The following FKBP3 variants were observed in gnomAD, a reference collection of about 807,000 sequenced individuals.
FKBP3 encodes the protein peptidyl-prolyl cis-trans isomerase FKBP3.
A neutral mutation model predicts 30.6 loss-of-function variants in FKBP3; 21 were observed. The ratio of observed to expected loss-of-function variants is 0.69; its 90% CI spans 0.49 to 0.99. FKBP3 has a LOEUF of 0.99. Among genes scored for constraint, FKBP3 ranks in the 50% least tolerant of loss-of-function variants. The pLI is 0.00. For missense variants in FKBP3, 283 were observed against 261.6 expected, an observed-to-expected ratio of 1.08 and a Z score of -0.56; for synonymous variants, 82 against 91.3, an observed-to-expected ratio of 0.90 and a Z score of 0.58.
intron 3 of FKBP3, among the ~76,000 whole-genome samples, chr14:45,125,945 G>A (rs1366867389): frequency 4.7e-5 from 7 of 150,424 alleles, no homozygotes; most frequent in African/African-American, 1.5e-4. Flanking sequence ...TGCCACCTAG[G>A]CAGTGCAGTG....
intron 5 of FKBP3, among the ~76,000 whole-genome samples, chr14:45,118,698 CAGTT>C (rs1296774919): frequency 6.6e-6 from 1 of 151,940 alleles, no homozygotes; most frequent in Admixed American, 6.6e-5. Flanking sequence ...TTATGAAAAC[CAGTT>C]AGTTATTAGC....
intron 3 of FKBP3, among the ~76,000 whole-genome samples, chr14:45,128,586 C>CA (rs200624964): frequency 0.015 from 2,286 of 152,222 alleles, 23 homozygotes; most frequent in Middle Eastern, 0.031. Flanking sequence ...AGCATGAAGA[C>CA]AGAGAGTAGA....
At position 45,129,806 on chromosome 14, in the gene FKBP3, C is replaced by T; in HGVS notation, c.306G>A (p.Glu102=). Residue 102 remains glutamate (E), a synonymous_variant, in exon 3 of 7, where the codon GAG becomes GAA. Coordinates refer to ENST00000396062, the MANE Select transcript of FKBP3 (RefSeq NM_002013.4). The part of the protein sequence containing the change: ...EDKPKETKSE[E]TLDEGPPKYT... ...ATTATATACAGACCTCATCCAGGGT[C>T]TCTTCAGACTTGGTTTCTTTGGGTT... is the stretch of plus-strand genomic sequence containing the variant. 1 of 1,604,206 alleles carries T rather than the reference C, an allele frequency of 6.2e-7. No individual in the cohort carries two copies. The highest frequency in any genetic ancestry group is 8.5e-7 in the Non-Finnish European group (1 of 1,173,068).
intron 6 of FKBP3, among the ~76,000 whole-genome samples, chr14:45,117,439 CTAT>C (rs1478573012): frequency 6.6e-6 from 1 of 152,150 alleles, no homozygotes; most frequent in Non-Finnish European, 1.5e-5. Context: ...TCCCTCTTAC[CTAT>C]TGGATTGGTC....
In FKBP3 at chr14:45,129,862, G is replaced by A; in HGVS notation, c.250C>T (p.Gln84Ter). The change falls in exon 3 of 7, where the codon CAA becomes TAA. Residue 84 changes from glutamine (Q) to a stop codon, truncating the protein, a stop_gained. Transcript: ENST00000396062. LOFTEE classifies it high-confidence loss of function. ...TCATTAAGCTTCACATTTTTTACTT[G>A]CTCAGACACTTTACTTATACTTTCA... ...GTESISKVSE[Q>*]VKNVKLNEDK... 1.2e-6 allele frequency: 2 copies of A among 1,612,804 alleles called. No individual in the cohort carries two copies. Among genetic ancestry groups the A allele is most frequent in the Non-Finnish European group, 1.7e-6 (2 of 1,179,370 alleles).
At chr14:45,121,364 G>A in intron 4 of FKBP3, 121 bp downstream of exon 4, 1 of 753,162 alleles carries the variant, frequency 1.3e-6, no homozygotes, top group Non-Finnish European at 2.1e-6. Context: ...TTGGGGGAAA[G>A]TATGTCTGGA....
At chr14:45,131,562 G>A (rs1885214418) in intron 1 of FKBP3, among the ~76,000 whole-genome samples, 2 of 149,872 alleles carry the variant, frequency 1.3e-5, no homozygotes, top group South Asian at 2.1e-4. Context: ...CTGGGAGGTG[G>A]AGGTTGCAGT....
intron 3 of FKBP3, among the ~76,000 whole-genome samples, chr14:45,127,216 C>T (rs1371443689): frequency 1.3e-5 from 2 of 150,904 alleles, no homozygotes; most frequent in Admixed American, 1.3e-4. Flanking sequence ...GGGGTTCAGG[C>T]GATTCTCCCA....
intron 3 of FKBP3, among the ~76,000 whole-genome samples, chr14:45,122,245 A>G (rs1885001111): frequency 1.3e-5 from 2 of 152,114 alleles, no homozygotes; most frequent in South Asian, 4.2e-4. Flanking sequence ...AGGAAAGCAG[A>G]CAGAGGAACT....
chr14:45,118,086 C>G lies in FKBP3; in HGVS notation c.562G>C (p.Ala188Pro). The part of the protein sequence containing the change: ...ALLTMSKGEK[A>P]RLEIEPEWAY... ...CATTCTGGTTCAATCTCCAGTCGAGCCTTTTCTCCTTTACTCATAGTCAAG... is the reference window on the plus strand; with the variant it reads ...CATTCTGGTTCAATCTCCAGTCGAGGCTTTTCTCCTTTACTCATAGTCAAG... Residue 188 changes from alanine (A) to proline (P), a missense_variant, in exon 6 of 7, where the codon GCT becomes CCT. Physicochemically the swap from Ala to Pro is conservative, Grantham distance 27 (BLOSUM62 -1). Coordinates refer to ENST00000396062, the MANE Select transcript of FKBP3 (RefSeq NM_002013.4). 6.2e-7 allele frequency: 1 copy of G among 1,607,950 alleles called. No homozygotes were observed. Among genetic ancestry groups the G allele is most frequent in the Non-Finnish European group, 8.5e-7 (1 of 1,178,172 alleles).
rs200242313 is a variant in FKBP3, at chr14:45,123,602, C to CTT, written c.319-1984_319-1983dup. Among the ~76,000 whole-genome samples, 162 of 84,302 alleles carry CTT rather than the reference C, an allele frequency of 1.9e-3. 42 individuals carry two copies. Among genetic ancestry groups the CTT allele is most frequent in the African/African-American group, 6.5e-3 (103 of 15,964 alleles). The allele number at this position is 84,302 out of a possible 152,430, so 55.3% of individuals were successfully genotyped here. ...ACTCTGCTTAAATCCCTCTCTACTC[C>CTT]TTTTTTTTTTTTTTTTTTTTTTTTT... On this transcript the variant is annotated intron_variant, in intron 3 of 6. Coordinates refer to ENST00000396062, the MANE Select transcript of FKBP3 (RefSeq NM_002013.4).
At chr14:45,119,999 A>T (rs1192882831) in intron 5 of FKBP3, among the ~76,000 whole-genome samples, 2 of 152,128 alleles carry the variant, frequency 1.3e-5, no homozygotes, top group African/African-American at 2.4e-5. Context: ...TGGGGCAGGT[A>T]ACAATTATAA....
intron 6 of FKBP3, 52 bp from the exon 7 acceptor site, chr14:45,116,304 C>G (rs1884833572): frequency 7.4e-7 from 1 of 1,355,740 alleles, no homozygotes; most frequent in African/African-American, 1.4e-5. Context: ...CCCCTACCCC[C>G]ATAACCTTAG....
chr14:45,116,230 T>C lies in FKBP3; in HGVS notation c.643A>G (p.Thr215Ala). 1 of 1,613,142 alleles carries C rather than the reference T, an allele frequency of 6.2e-7. No homozygotes were observed. Among genetic ancestry groups the C allele is most frequent in the Non-Finnish European group, 8.5e-7 (1 of 1,179,242 alleles). Residue 215 changes from threonine to alanine, a missense_variant, in exon 7 of 7, where the codon ACT (threonine) becomes GCT (alanine). By Grantham distance (58) the Thr-to-Ala change is moderately conservative. Transcript: ENST00000396062. ...ATATCCACTAATTCCACTTCAAAAG[T>C]GAGTTTTGCATTTGGTGGAATTCTG... is the stretch of plus-strand genomic sequence containing the variant. ...DAKIPPNAKLTFEVELVDID is the reference protein window; with the variant it reads ...DAKIPPNAKLAFEVELVDID
Position 45,116,242 on chromosome 14 carries a change from TTGG to T in FKBP3, c.628_630del (p.Pro210del). 1 of 1,612,774 alleles carries T rather than the reference TTGG, an allele frequency of 6.2e-7. No individual in the cohort carries two copies. The highest frequency in any genetic ancestry group is 8.5e-7 in the Non-Finnish European group (1 of 1,178,960). On this transcript the variant is annotated inframe_deletion, in exon 7 of 7. Transcript: ENST00000396062. ...TCCACTTCAAAAGTGAGTTTTGCATTTGGTGGAATTCTGTTGAAGAAGTCAAGG... is the reference window on the plus strand; with the variant it reads ...TCCACTTCAAAAGTGAGTTTTGCATTTGGAATTCTGTTGAAGAAGTCAAGG...
intron 4 of FKBP3, 50 bp downstream of exon 4, chr14:45,121,435 G>T (rs373780589): frequency 3.1e-5 from 47 of 1,519,700 alleles, no homozygotes; most frequent in Non-Finnish European, 4.2e-5. Context: ...TGCCACCCAA[G>T]TATTTAGAAT....
At chr14:45,133,412 A>G in intron 1 of FKBP3, 6 of 228,048 alleles carry the variant, frequency 2.6e-5, no homozygotes, top group Middle Eastern at 4.4e-4. Flanking sequence ...GGTTGCAGTG[A>G]GCCGAGATCG....
intron 3 of FKBP3, among the ~76,000 whole-genome samples, chr14:45,122,349 C>T (rs1885004067): frequency 6.6e-6 from 1 of 152,072 alleles, no homozygotes; most frequent in African/African-American, 2.4e-5. Context: ...TGAATTCAGA[C>T]CAAATTCAGA....
chr14:45,126,980 T>G lies in FKBP3; in HGVS notation c.318+2814A>C, dbSNP rs570770810. Among the ~76,000 whole-genome samples, 944 of 152,018 alleles carry G rather than the reference T, an allele frequency of 6.2e-3. 5 individuals carry two copies. The highest frequency in any genetic ancestry group is 9.4e-3 in the Non-Finnish European group (636 of 67,984). ...ACAGATGCATGCCACCATGCCCAGCTAATTTTTGTATTTTTAGTAGAGACG... is the reference window on the plus strand; with the variant it reads ...ACAGATGCATGCCACCATGCCCAGCGAATTTTTGTATTTTTAGTAGAGACG... On this transcript the variant is annotated intron_variant, in intron 3 of 6. Coordinates refer to ENST00000396062, the MANE Select transcript of FKBP3 (RefSeq NM_002013.4).
Sources: allele counts gnomAD v4.1 joint callset (sites outside exome capture counted in the v4.1 genomes callset), GRCh38; gene constraint gnomAD v4.1.1; transcripts MANE v1.5; gene names NCBI Gene and HGNC (gene_info 2026-07-23, HGNC 2026-07-21).